Variants in MAPK1IP1L observed in about 807,000 individuals in gnomAD.
MAPK1IP1L encodes the protein MAPK-interacting and spindle-stabilizing protein-like.
In MAPK1IP1L, 10 loss-of-function variants were observed where a neutral mutation model predicts 18.1. That is an observed-to-expected ratio of 0.55 (90% CI 0.34 to 0.94). The LOEUF is 0.94. MAPK1IP1L is among the 40% of genes least tolerant of loss of function. MAPK1IP1L has a pLI of 0.02. For missense variants in MAPK1IP1L, 260 were observed against 318.2 expected (o/e 0.82, Z 1.39); for synonymous variants, 115 against 117.3 (o/e 0.98, Z 0.13).
At position 55,064,620 on chromosome 14, in the gene MAPK1IP1L, A is replaced by G. The variant is rs375777041; in HGVS notation, c.731A>G (p.Tyr244Cys). 3 of 1,612,982 alleles carry G rather than the reference A, an allele frequency of 1.9e-6. No homozygotes were observed. The African/African-American group carries it at 4.0e-5, about 22-fold the overall frequency. The change falls in exon 4 of 4, where the codon TAC becomes TGC. Residue 244 changes from tyrosine (Y) to cysteine (C), a missense_variant. Transcript: ENST00000395468. ...TTTTTCTTTTTTCTATTGCAGTCTT[A>G]CCATTAAGTTAACAATGGACGAAGA... ...APPMPGGPHS[Y>C]H
At chr14:55,060,769 G>T (rs182124816) in intron 1 of MAPK1IP1L, 1 of 152,282 alleles carries the variant, frequency 6.6e-6, no homozygotes, top group East Asian at 1.9e-4. Context: ...GAACACTTAA[G>T]ATCTCTGCAT....
In MAPK1IP1L at chr14:55,062,922, C is replaced by G; in HGVS notation, c.323C>G (p.Pro108Arg). The G allele has an allele frequency of 6.2e-7, 1 of 1,614,022 alleles. No homozygotes were observed. Among genetic ancestry groups the G allele is most frequent in the Non-Finnish European group, 8.5e-7 (1 of 1,179,948 alleles). Reference protein sequence around the residue: ...PGGPYPAPTVPGPGPTGPYPT... With the variant: ...PGGPYPAPTVRGPGPTGPYPT... ...GGTCCTTATCCAGCCCCAACTGTGC[C>G]GGGCCCTGGCCCCACAGGGCCATAT... The change falls in exon 3 of 4, where the codon CCG becomes CGG. Residue 108 changes from proline (P) to arginine (R), a missense_variant. Transcript: ENST00000395468.
chr14:55,054,389 C>T lies in MAPK1IP1L; in HGVS notation c.-5+2586C>T, dbSNP rs530027200. On this transcript the variant is annotated intron_variant, in intron 1 of 3. Transcript: ENST00000395468. ...AATTCCTGGCCTCAAGTAATCCACC[C>T]ACCTCGGCCTCCCAAAGTGCTGCGA... 2.2e-3 allele frequency among the ~76,000 whole-genome samples: 339 copies of T among 152,100 alleles called. 2 individuals carry two copies. The highest frequency in any genetic ancestry group is 3.5e-3 in the Non-Finnish European group (239 of 68,002).
intron 1 of MAPK1IP1L, among the ~76,000 whole-genome samples, chr14:55,055,398 A>G (rs1019613622): frequency 1.3e-5 from 2 of 152,178 alleles, no homozygotes; most frequent in South Asian, 2.1e-4. Context: ...AATGCTTCCA[A>G]TTATAGTTGT....
Position 55,065,978 on chromosome 14 carries a change from A to AC in MAPK1IP1L, c.*1353dup, listed in dbSNP as rs969799578. On this transcript the variant is annotated 3_prime_UTR_variant, in exon 4 of 4. Transcript: ENST00000395468. ...TAAATATCAAGTATTGTTTATAACC[A>AC]CCAAAAAAAAAAAGCCCTGGTAGTT... is the stretch of plus-strand genomic sequence containing the variant. 5 of 142,776 alleles carry AC rather than the reference A, an allele frequency of 3.5e-5. No homozygotes were observed. The highest frequency in any genetic ancestry group is 1.3e-4 in the African/African-American group (5 of 38,560). The allele number at this position is 142,776 out of a possible 1,614,324, so 8.8% of individuals were successfully genotyped here.
At chr14:55,055,025 AAG>A (rs1441310925) in intron 1 of MAPK1IP1L, among the ~76,000 whole-genome samples, 2 of 152,114 alleles carry the variant, frequency 1.3e-5, no homozygotes, top group Non-Finnish European at 2.9e-5. Flanking sequence ...AAAGAAAAAA[AAG>A]AAAGCCTTTC....
At chr14:55,059,800 G>A (rs2042802170) in intron 1 of MAPK1IP1L, among the ~76,000 whole-genome samples, 1 of 152,100 alleles carries the variant, frequency 6.6e-6, no homozygotes, top group South Asian at 2.1e-4. Flanking sequence ...TACCAAGTGA[G>A]GTGGTGCACA....
intron 1 of MAPK1IP1L, among the ~76,000 whole-genome samples, chr14:55,054,421 G>T (rs1286286604): frequency 6.6e-6 from 1 of 152,046 alleles, no homozygotes; most frequent in Non-Finnish European, 1.5e-5. Flanking sequence ...GCGATTACAG[G>T]CTTGAGCCGC....
rs201897422 is a variant in MAPK1IP1L, at chr14:55,062,889, C to A, written c.290C>A (p.Pro97Gln). ...PFPPSGPSCP[P>Q]PGGPYPAPTV... The stretch of plus-strand genomic sequence containing the variant: ...CCTCCTTCCGGACCATCATGTCCCC[C>A]ACCTGGTGGTCCTTATCCAGCCCCA... Residue 97 changes from proline (P) to glutamine (Q), a missense_variant, in exon 3 of 4, where the codon CCA (proline) becomes CAA (glutamine). By Grantham distance (76) the Pro-to-Gln change is moderately conservative (BLOSUM62 -1). Coordinates refer to ENST00000395468, the MANE Select transcript of MAPK1IP1L (RefSeq NM_144578.4). The A allele has an allele frequency of 5.0e-6, 8 of 1,614,034 alleles. No homozygotes were observed. The highest frequency in any genetic ancestry group is 6.8e-6 in the Non-Finnish European group (8 of 1,180,022).
chr14:55,052,588 C>T (rs2042739280), intron 1 of MAPK1IP1L, among the ~76,000 whole-genome samples: 2 of 152,130 alleles, frequency 1.3e-5, no homozygotes, highest in East Asian at 1.9e-4. Flanking sequence ...CTCACTCGAC[C>T]GCAAGAATTT....
At position 55,062,766 on chromosome 14, in the gene MAPK1IP1L, G is replaced by A. The variant is rs147614556; in HGVS notation, c.167G>A (p.Ser56Asn). Residue 56 changes from serine (S) to asparagine (N), a missense_variant, in exon 3 of 4, where the codon AGT becomes AAT. Coordinates refer to ENST00000395468, the MANE Select transcript of MAPK1IP1L (RefSeq NM_144578.4). Reference sequence around the variant, plus strand: ...TCAGTGCCATCTGGACTCCCACCAAGTGCAACACCCTCCACTGTGCCTTTT... The same window carrying A: ...TCAGTGCCATCTGGACTCCCACCAAATGCAACACCCTCCACTGTGCCTTTT... ...PSSVPSGLPP[S>N]ATPSTVPFGP... The A allele has an allele frequency of 1.9e-6, 3 of 1,614,020 alleles. No homozygotes were observed. Among genetic ancestry groups the A allele is most frequent in the African/African-American group, 2.7e-5 (2 of 74,898 alleles).
intron 1 of MAPK1IP1L, among the ~76,000 whole-genome samples, chr14:55,057,088 T>G (rs1566762143): frequency 1.3e-5 from 2 of 152,198 alleles, no homozygotes; most frequent in African/African-American, 4.8e-5. Flanking sequence ...TAGGCATAAA[T>G]TAAAAATAAT....
intron 1 of MAPK1IP1L, among the ~76,000 whole-genome samples, chr14:55,052,421 A>G (rs1314859183): frequency 1.3e-5 from 2 of 152,226 alleles, no homozygotes; most frequent in Non-Finnish European, 2.9e-5. Flanking sequence ...AGGGCAAACC[A>G]CGAGAAGGGC....
At position 55,065,539 on chromosome 14, in the gene MAPK1IP1L, C is replaced by G. The variant is rs1301622641; in HGVS notation, c.*912C>G. On this transcript the variant is annotated 3_prime_UTR_variant, in exon 4 of 4. Coordinates refer to ENST00000395468, the MANE Select transcript of MAPK1IP1L (RefSeq NM_144578.4). ...AGGCAGCTCTTTTGCCCAGAGCGTT[C>G]CCTGTAGCCACCCCCACCCCACTTG... is the stretch of plus-strand genomic sequence containing the variant. 6.6e-6 allele frequency: 1 copy of G among 152,184 alleles called. No homozygotes were observed. The highest frequency in any genetic ancestry group is 1.5e-5 in the Non-Finnish European group (1 of 68,050). 9.4% of individuals were successfully genotyped at this position (152,184 alleles called of 1,614,324 possible).
In MAPK1IP1L at chr14:55,064,785, T is replaced by C; in HGVS notation, c.*158T>C. 3.3e-6 allele frequency: 2 copies of C among 615,054 alleles called. No individual in the cohort carries two copies. Among genetic ancestry groups the C allele is most frequent in the Non-Finnish European group, 5.9e-6 (2 of 340,848 alleles). 38.1% of individuals were successfully genotyped at this position (615,054 alleles called of 1,614,324 possible). On this transcript the variant is annotated 3_prime_UTR_variant, in exon 4 of 4. Transcript: ENST00000395468. The stretch of plus-strand genomic sequence containing the variant: ...AAGATAACTGCCTCTTGTACTTGGA[T>C]GCGTAGTACATCATATGTATACAAT...
chr14:55,062,652 A>G lies in MAPK1IP1L; in HGVS notation c.53A>G (p.Lys18Arg). 6.2e-7 allele frequency: 1 copy of G among 1,613,844 alleles called. No individual in the cohort carries two copies. Residue 18 changes from lysine to arginine, a missense_variant, in exon 3 of 4, where the codon AAA becomes AGA. Lys to Arg is a conservative substitution (Grantham distance 26). Coordinates refer to ENST00000395468, the MANE Select transcript of MAPK1IP1L (RefSeq NM_144578.4). ...ADALPEHSPA[K>R]TSAVSNTKPG... ...GCACTACCTGAACACTCCCCTGCCA[A>G]AACCTCTGCTGTGAGCAATACAAAA...
At position 55,054,762 on chromosome 14, in the gene MAPK1IP1L, C is replaced by T. The variant is rs118076940; in HGVS notation, c.-5+2959C>T. Among the ~76,000 whole-genome samples, 978 of 152,300 alleles carry T rather than the reference C, an allele frequency of 6.4e-3. 22 individuals carry two copies. The highest frequency in any genetic ancestry group is 0.045 in the South Asian group (216 of 4,820). On this transcript the variant is annotated intron_variant, in intron 1 of 3. Transcript: ENST00000395468. The stretch of plus-strand genomic sequence containing the variant: ...CTGTCTGAAATATCCATGAACTCCA[C>T]TGGTAATTCATGGAGTTCAACTCTC...
At chr14:55,057,664 G>A (rs2042782414) in intron 1 of MAPK1IP1L, among the ~76,000 whole-genome samples, 2 of 151,718 alleles carry the variant, frequency 1.3e-5, no homozygotes, top group Non-Finnish European at 2.9e-5. Flanking sequence ...ACTGAGGCAC[G>A]AGAATCGCTT....
chr14:55,063,263 A>T lies in MAPK1IP1L; in HGVS notation c.664A>T (p.Ser222Cys). ...YPTPGLYPTPSNPFQVPSGPS... is the reference protein window; with the variant it reads ...YPTPGLYPTPCNPFQVPSGPS... ...CACACCAGGACTCTATCCTACTCCC[A>T]GTAATCCTTTCCAAGTGCCTTCAGG... The change falls in exon 3 of 4, where the codon AGT becomes TGT. Residue 222 changes from serine to cysteine, a missense_variant. Physicochemically the swap from Ser to Cys is moderately radical, Grantham distance 112. Transcript: ENST00000395468. The T allele has an allele frequency of 2.5e-6, 4 of 1,614,148 alleles. No individual in the cohort carries two copies. Among genetic ancestry groups the T allele is most frequent in the Non-Finnish European group, 3.4e-6 (4 of 1,180,008 alleles).
Sources: gnomAD v4.1 joint callset for allele counts (sites outside exome capture counted in the v4.1 genomes callset) on GRCh38, gnomAD v4.1.1 for gene constraint, MANE v1.5 for transcripts, NCBI Gene and HGNC (gene_info 2026-07-23, HGNC 2026-07-21) for gene names.